The following RANBP2 variants were observed in gnomAD, a reference collection of about 807,000 sequenced individuals.
RANBP2 encodes the protein RAN binding protein 2.
In RANBP2, 57 loss-of-function variants were observed where a neutral mutation model predicts 303.6. The ratio of observed to expected loss-of-function variants is 0.19; its 90% CI spans 0.15 to 0.23. The LOEUF (loss-of-function observed/expected upper bound fraction) is 0.23, where lower values mean the gene tolerates loss of function less well. Ranked by LOEUF, RANBP2 falls within the 10% of genes least tolerant of loss-of-function variation. RANBP2 has a pLI of 1.00. For synonymous variants in RANBP2, 1,167 were observed against 1,301.5 expected (o/e 0.90, Z 2.23); for missense variants, 3,138 against 3,780.8 (o/e 0.83, Z 4.46).
At chr2:109,640,132 T>A in the RANBP2 span, among the ~76,000 whole-genome samples, 1 of 151,528 alleles carries the variant, frequency 6.6e-6, no homozygotes, top group Admixed American at 6.6e-5. Flanking sequence ...CTAAGTAGAA[T>A]GGAGGAGTCC....
chr2:109,700,423 C>A, the RANBP2 span, among the ~76,000 whole-genome samples: 99 of 152,178 alleles, frequency 6.5e-4, no homozygotes, highest in Non-Finnish European at 1.1e-3. Flanking sequence ...TAGATTGGTT[C>A]GGTCTGGAAA....
the RANBP2 span, among the ~76,000 whole-genome samples, chr2:109,275,198 CG>C: frequency 6.6e-6 from 1 of 152,148 alleles, no homozygotes; most frequent in African/African-American, 2.4e-5. Flanking sequence ...TGTGGTTTCT[CG>C]TACTTTGCTG....
the RANBP2 span, among the ~76,000 whole-genome samples, chr2:109,538,863 T>C: frequency 1.3e-5 from 2 of 152,230 alleles, no homozygotes; most frequent in Non-Finnish European, 2.9e-5. Flanking sequence ...TATTAACACA[T>C]TAATCTTCTA....
At chr2:109,288,848 A>G in the RANBP2 span, among the ~76,000 whole-genome samples, 6 of 152,042 alleles carry the variant, frequency 3.9e-5, no homozygotes, top group Non-Finnish European at 8.8e-5. Context: ...CTTTATGCCC[A>G]TGTGGTAGAA....
At chr2:109,542,713 A>AT in the RANBP2 span, among the ~76,000 whole-genome samples, 1 of 152,250 alleles carries the variant, frequency 6.6e-6, no homozygotes, top group African/African-American at 2.4e-5. Flanking sequence ...TATGACATGT[A>AT]TAATTTAATT....
At chr2:109,171,243 A>G in the RANBP2 span, among the ~76,000 whole-genome samples, 1 of 152,194 alleles carries the variant, frequency 6.6e-6, no homozygotes, top group South Asian at 2.1e-4. Context: ...GTATTTGCTT[A>G]CATGTATTTG....
chr2:109,244,209 C>A, the RANBP2 span, among the ~76,000 whole-genome samples: 1 of 152,052 alleles, frequency 6.6e-6, no homozygotes, highest in Non-Finnish European at 1.5e-5. Context: ...GATTCTAATC[C>A]GAGCTGGAGA....
the RANBP2 span, among the ~76,000 whole-genome samples, chr2:109,239,040 G>A: frequency 6.6e-6 from 1 of 152,202 alleles, no homozygotes; most frequent in African/African-American, 2.4e-5. Context: ...ATAAAAATAA[G>A]CAAGTTCCCT....
At chr2:108,975,461 C>G in the RANBP2 span, among the ~76,000 whole-genome samples, 1 of 152,158 alleles carries the variant, frequency 6.6e-6, no homozygotes, top group Non-Finnish European at 1.5e-5. Flanking sequence ...GCAAGACCTG[C>G]GTCTACTTTA....
At chr2:109,494,820 A>T in the RANBP2 span, among the ~76,000 whole-genome samples, 32 of 152,204 alleles carry the variant, frequency 2.1e-4, no homozygotes, top group Middle Eastern at 3.4e-3. Context: ...ACTCCTCCAG[A>T]TCTCAACCAT....
At position 108,755,135 on chromosome 2, in the gene RANBP2, A is replaced by C. The variant is rs775463171; in HGVS notation, c.2383-41A>C. 5.0e-6 allele frequency: 8 copies of C among 1,611,940 alleles called. No homozygotes were observed. In the South Asian group the frequency reaches 7.7e-5, roughly 16 times the overall value. The stretch of plus-strand genomic sequence containing the variant: ...TCATTGTGAAATTGTTTCTGTTCTA[A>C]GTGTTTTAAATGCTGTTTTGTTATT... On this transcript the variant is annotated intron_variant, in intron 16 of 28. Transcript: ENST00000283195.
intron 7 of RANBP2, among the ~76,000 whole-genome samples, chr2:108,741,632 A>C (rs563486044): frequency 4.8e-5 from 7 of 146,948 alleles, no homozygotes; most frequent in Admixed American, 3.5e-4. Flanking sequence ...CAGCCTCCCG[A>C]GTAGCTGGGA....
the RANBP2 span, among the ~76,000 whole-genome samples, chr2:108,863,501 A>G: frequency 6.6e-6 from 1 of 152,216 alleles, no homozygotes; most frequent in Non-Finnish European, 1.5e-5. Context: ...GAACCAGGAA[A>G]CAAGCTGGGG....
chr2:109,315,825 A>G, the RANBP2 span, among the ~76,000 whole-genome samples: 47,380 of 152,000 alleles, frequency 0.31, 9,149 homozygotes, highest in African/African-American at 0.55. Flanking sequence ...TTTCCACCCT[A>G]GAATGACCTT....
At chr2:109,340,069 T>C in the RANBP2 span, among the ~76,000 whole-genome samples, 1 of 152,144 alleles carries the variant, frequency 6.6e-6, no homozygotes, top group African/African-American at 2.4e-5. Flanking sequence ...CTGTGAGCAG[T>C]AATCGGGTTA....
chr2:109,572,647 C>G, the RANBP2 span, among the ~76,000 whole-genome samples: 1 of 136,904 alleles, frequency 7.3e-6, no homozygotes, highest in Non-Finnish European at 1.5e-5. Flanking sequence ...GACGGAGTCT[C>G]GCTCTGTCGC....
At chr2:109,735,786 C>T in the RANBP2 span, among the ~76,000 whole-genome samples, 1 of 152,156 alleles carries the variant, frequency 6.6e-6, no homozygotes, top group African/African-American at 2.4e-5. Context: ...CAGTAAGAGA[C>T]ATTGCCAAAG....
chr2:108,920,107 C>T, the RANBP2 span, among the ~76,000 whole-genome samples: 1 of 152,238 alleles, frequency 6.6e-6, no homozygotes, highest in Non-Finnish European at 1.5e-5. Context: ...GTGTGCTGTC[C>T]ACACCGCCAG....
At chr2:108,876,015 TTATC>T in the RANBP2 span, 1 of 916,096 alleles carries the variant, frequency 1.1e-6, no homozygotes, top group Non-Finnish European at 1.6e-6. Context: ...TACACATAAA[TTATC>T]TGTCAGTGTC....
Sources: allele counts gnomAD v4.1 joint callset (sites outside exome capture counted in the v4.1 genomes callset), GRCh38; gene constraint gnomAD v4.1.1; transcripts MANE v1.5; gene names NCBI Gene and HGNC (gene_info 2026-07-23, HGNC 2026-07-21).